Variants in TIMP3 observed in about 807,000 individuals in gnomAD.
TIMP3 encodes the protein TIMP metallopeptidase inhibitor 3.
A neutral mutation model predicts 30.0 loss-of-function variants in TIMP3; 11 were observed. The observed-to-expected ratio is 0.37, with a 90% CI of 0.23 to 0.61. TIMP3 has a LOEUF of 0.61. Ranked by LOEUF, TIMP3 falls within the 20% of genes least tolerant of loss-of-function variation. The pLI is 0.70. For missense variants in TIMP3, 181 were observed against 276.8 expected (o/e 0.65, Z 2.45); for synonymous variants, 112 against 111.3 (o/e 1.01, Z -0.04).
chr22:32,840,228 T>C (rs2047854499), intron 1 of TIMP3, among the ~76,000 whole-genome samples: 1 of 152,196 alleles, frequency 6.6e-6, no homozygotes, highest in Non-Finnish European at 1.5e-5. Flanking sequence ...CATTCATTTC[T>C]TGCCAAAAAA....
At chr22:32,802,938 G>T (rs555966852) in intron 1 of TIMP3, among the ~76,000 whole-genome samples, 5 of 152,298 alleles carry the variant, frequency 3.3e-5, no homozygotes, top group South Asian at 4.2e-4. Context: ...GACAGTTCCA[G>T]ACTGGACTTA....
At chr22:32,807,183 A>C (rs1219665456) in intron 1 of TIMP3, among the ~76,000 whole-genome samples, 1 of 149,506 alleles carries the variant, frequency 6.7e-6, no homozygotes, top group African/African-American at 2.5e-5. Flanking sequence ...CCCACCTTTA[A>C]GGGAAGAGTC....
intron 1 of TIMP3, among the ~76,000 whole-genome samples, chr22:32,821,375 C>G (rs2047241745): frequency 6.6e-6 from 1 of 152,228 alleles, no homozygotes; most frequent in Non-Finnish European, 1.5e-5. Flanking sequence ...TCTGCACTTG[C>G]TCTTCTGCTA....
rs1342555534 is a variant in TIMP3 at position 32,837,286 on chromosome 22, G to C, written c.122-12166G>C. ...CTTGTGTGGGATAAAGTTTCCCATGGGCCCCCGTGGAGAGGCTGGAGCACT... is the reference window on the plus strand; with the variant it reads ...CTTGTGTGGGATAAAGTTTCCCATGCGCCCCCGTGGAGAGGCTGGAGCACT... On this transcript the variant is annotated intron_variant, in intron 1 of 4. Coordinates refer to ENST00000266085, the MANE Select transcript of TIMP3 (RefSeq NM_000362.5). This position sits in a 1 kb window ranked among gnomAD's most constrained non-coding sequence, Gnocchi z 4.1. Among the ~76,000 whole-genome samples, 3 of 152,170 alleles carry C rather than the reference G, an allele frequency of 2.0e-5. No homozygotes were observed. Among genetic ancestry groups the C allele is most frequent in the African/African-American group, 7.2e-5 (3 of 41,422 alleles).
chr22:32,809,432 T>C lies in TIMP3; in HGVS notation c.121+7310T>C, dbSNP rs374122605. 3.8e-4 allele frequency among the ~76,000 whole-genome samples: 58 copies of C among 152,276 alleles called. 2 individuals carry two copies. The South Asian group carries it at 0.012, about 31-fold the overall frequency. On this transcript the variant is annotated intron_variant, in intron 1 of 4. Transcript: ENST00000266085. ...CCCTGCTGCCCCCAAATTTTATTACTGTATAGTCAGTTCTGGGATCCTAAC... is the reference window on the plus strand; with the variant it reads ...CCCTGCTGCCCCCAAATTTTATTACCGTATAGTCAGTTCTGGGATCCTAAC...
Position 32,837,460 on chromosome 22 carries a change from C to G in TIMP3, c.122-11992C>G, listed in dbSNP as rs1207965758. ...CTTGATGTCTCCTCAGAGCACAGCA[C>G]AGATGCCCAGCCAAAACACCCAGGG... On this transcript the variant is annotated intron_variant, in intron 1 of 4. Transcript: ENST00000266085. This position sits in a 1 kb window ranked among gnomAD's most constrained non-coding sequence, Gnocchi z 4.1. 6.6e-6 allele frequency among the ~76,000 whole-genome samples: 1 copy of G among 152,152 alleles called. No individual in the cohort carries two copies. Among genetic ancestry groups the G allele is most frequent in the Non-Finnish European group, 1.5e-5 (1 of 68,024 alleles).
In TIMP3 at chr22:32,859,257, C is replaced by T. The variant is rs149161075; in HGVS notation, c.516C>T (p.Phe172=). ...ECLWTDMLSN[F]GYPGYQSKHY... is the part of the protein sequence containing the mutation. ...TCTGGACCGACATGCTCTCCAATTT[C>T]GGTTACCCTGGCTACCAGTCCAAAC... The change falls in exon 5 of 5, where the codon TTC becomes TTT. Residue 172 remains phenylalanine (F), a synonymous_variant. Coordinates refer to ENST00000266085, the MANE Select transcript of TIMP3 (RefSeq NM_000362.5). 2.2e-3 allele frequency: 3,575 copies of T among 1,614,196 alleles called. 7 individuals carry two copies. The highest frequency in any genetic ancestry group is 2.8e-3 in the Non-Finnish European group (3,332 of 1,180,032).
rs2048522575 is a variant in TIMP3 at position 32,861,071 on chromosome 22, C to T, written c.*1694C>T. ...AGGATGGTGACATTGAACATGATTG[C>T]TCTCTGTCTCTTTTTTCAGCTTATG... On this transcript the variant is annotated 3_prime_UTR_variant, in exon 5 of 5. Coordinates refer to ENST00000266085, the MANE Select transcript of TIMP3 (RefSeq NM_000362.5). 6.6e-6 allele frequency: 1 copy of T among 151,888 alleles called. No individual in the cohort carries two copies. The highest frequency in any genetic ancestry group is 6.6e-5 in the Admixed American group (1 of 15,186). The allele number at this position is 151,888 out of a possible 1,614,324, so 9.4% of individuals were successfully genotyped here.
At chr22:32,855,867 T>G (rs1406217228) in intron 2 of TIMP3, among the ~76,000 whole-genome samples, 7 of 152,178 alleles carry the variant, frequency 4.6e-5, no homozygotes, top group African/African-American at 1.7e-4. Flanking sequence ...TAGCCAAATA[T>G]CAGCAATTTC....
At chr22:32,813,609 T>C (rs1187119202) in intron 1 of TIMP3, among the ~76,000 whole-genome samples, 2 of 151,988 alleles carry the variant, frequency 1.3e-5, no homozygotes, top group Non-Finnish European at 2.9e-5. Flanking sequence ...CTGGAATCCA[T>C]TTTATTTCTA....
chr22:32,849,545 T>A lies in TIMP3; in HGVS notation c.204+11T>A. 2 of 1,612,110 alleles carry A rather than the reference T, an allele frequency of 1.2e-6. No homozygotes were observed. The highest frequency in any genetic ancestry group is 1.7e-6 in the Non-Finnish European group (2 of 1,179,066). On this transcript the variant is annotated intron_variant, in intron 2 of 4. Transcript: ENST00000266085. ...ATCAAGCAGATGAAGGTAGGTAATG[T>A]CATCACCCTGGCTCCGGGAAGGTTT...
At chr22:32,811,170 T>G (rs2046905997) in intron 1 of TIMP3, among the ~76,000 whole-genome samples, 1 of 151,208 alleles carries the variant, frequency 6.6e-6, no homozygotes, top group African/African-American at 2.4e-5. Flanking sequence ...GTAATAAAAT[T>G]TGGGGGCAGC....
At chr22:32,859,140 T>C (rs765612058) in intron 4 of TIMP3, 40 bp from the exon 5 acceptor site, 68 of 1,605,244 alleles carry the variant, frequency 4.2e-5, no homozygotes, top group Non-Finnish European at 5.5e-5. Flanking sequence ...GGGCATACCA[T>C]GGCAGAGTCC....
At chr22:32,847,675 G>A (rs2048106809) in intron 1 of TIMP3, among the ~76,000 whole-genome samples, 1 of 152,166 alleles carries the variant, frequency 6.6e-6, no homozygotes, top group Non-Finnish European at 1.5e-5. Flanking sequence ...GAAGGATAAT[G>A]GAGCTACCAA....
intron 2 of TIMP3, among the ~76,000 whole-genome samples, 173 bp from the exon 3 acceptor site, chr22:32,857,076 T>G (rs1034717478): frequency 6.6e-6 from 1 of 152,206 alleles, no homozygotes; most frequent in Non-Finnish European, 1.5e-5. Context: ...GGCACTTAGG[T>G]TGATTTCATA....
intron 1 of TIMP3, among the ~76,000 whole-genome samples, chr22:32,814,260 AGAGGGAGG>A (rs1299995088): frequency 7.3e-6 from 1 of 137,288 alleles, no homozygotes; most frequent in Non-Finnish European, 1.5e-5. Context: ...AAAGAAAGAA[AGAGGGAGG>A]GAGGGAGAGA....
chr22:32,837,834 C>G lies in TIMP3; in HGVS notation c.122-11618C>G, dbSNP rs1226887389. On this transcript the variant is annotated intron_variant, in intron 1 of 4. Coordinates refer to ENST00000266085, the MANE Select transcript of TIMP3 (RefSeq NM_000362.5). The surrounding 1 kb of genome is among the most constrained non-coding windows in gnomAD (Gnocchi z 4.1). ...ACCCAACCTACCAAGCTGGGAGTTA[C>G]CGCCCACTGCAAGGCACCCCTGTAC... Among the ~76,000 whole-genome samples the G allele has an allele frequency of 6.6e-6, 1 of 152,154 alleles. No individual in the cohort carries two copies. The highest frequency in any genetic ancestry group is 2.4e-5 in the African/African-American group (1 of 41,430).
intron 1 of TIMP3, among the ~76,000 whole-genome samples, chr22:32,828,101 A>G (rs538197356): frequency 2.3e-4 from 35 of 152,352 alleles, no homozygotes; most frequent in Middle Eastern, 3.4e-3. Context: ...GGTCTTGTTC[A>G]CCATCTAGAA....
rs573967733 is a variant in TIMP3 at position 32,848,719 on chromosome 22, G to T, written c.122-733G>T. On this transcript the variant is annotated intron_variant, in intron 1 of 4. Coordinates refer to ENST00000266085, the MANE Select transcript of TIMP3 (RefSeq NM_000362.5). ...AGAGATTAGTATCATTATGATTCCT[G>T]TTTTATAGAAGAGGAGGCCAGAAAC... is the stretch of plus-strand genomic sequence containing the variant. Among the ~76,000 whole-genome samples the T allele has an allele frequency of 3.9e-5, 6 of 152,322 alleles. No individual in the cohort carries two copies. The East Asian group carries it at 9.6e-4, about 24-fold the overall frequency.
Sources: gnomAD v4.1 joint callset for allele counts (sites outside exome capture counted in the v4.1 genomes callset) on GRCh38, gnomAD v4.1.1 for gene constraint, Gnocchi (gnomAD v3.1) non-coding constraint, MANE v1.5 for transcripts, NCBI Gene and HGNC (gene_info 2026-07-23, HGNC 2026-07-21) for gene names.